The following RYR3 variants were observed in gnomAD, a reference collection of about 807,000 sequenced individuals.
The protein encoded by RYR3 is brain ryanodine receptor-calcium release channel.
In RYR3, 207 loss-of-function variants were observed where a neutral mutation model predicts 584.3. That is an observed-to-expected ratio of 0.35 (90% CI 0.32 to 0.40). The LOEUF is 0.40. Among genes scored for constraint, RYR3 ranks in the 10% least tolerant of loss-of-function variants. The pLI is 1.00. For synonymous variants in RYR3, 2,416 were observed against 2,248.5 expected (o/e 1.07, Z -2.11); for missense variants, 5,616 against 6,089.2 (o/e 0.92, Z 2.59).
chr15:33,421,341 C>A (rs1426667938), intron 1 of RYR3, among the ~76,000 whole-genome samples: 3 of 152,130 alleles, frequency 2.0e-5, no homozygotes, highest in African/African-American at 7.2e-5. Context: ...TGAAAGGAGA[C>A]AAGACTAAAG....
At chr15:33,557,408 C>T (rs932003663) in intron 10 of RYR3, among the ~76,000 whole-genome samples, 9 of 152,236 alleles carry the variant, frequency 5.9e-5, no homozygotes, top group African/African-American at 9.6e-5. Context: ...TTTTTTGAGA[C>T]GGAGTCTCGC....
At chr15:33,335,648 C>T (rs1166027909) in intron 1 of RYR3, among the ~76,000 whole-genome samples, 1 of 151,564 alleles carries the variant, frequency 6.6e-6, no homozygotes, top group East Asian at 1.9e-4. Flanking sequence ...ACACATGTTA[C>T]ATATGTACCA....
intron 99 of RYR3, 174 bp downstream of exon 99, chr15:33,858,088 C>T: frequency 3.5e-6 from 3 of 860,698 alleles, no homozygotes; most frequent in Non-Finnish European, 5.2e-6. Flanking sequence ...GGAGAGTGTC[C>T]TGGGAAGACA....
chr15:33,489,256 A>T lies in RYR3; in HGVS notation c.172-14375A>T, dbSNP rs1037094806. ...AGGGGTACACTTGAAGGTTTGTTACATAGGTAAACTTGTGTCACAAGGGTT... is the reference window on the plus strand; with the variant it reads ...AGGGGTACACTTGAAGGTTTGTTACTTAGGTAAACTTGTGTCACAAGGGTT... On this transcript the variant is annotated intron_variant, in intron 2 of 103. Transcript: ENST00000634891. 3.3e-5 allele frequency among the ~76,000 whole-genome samples: 5 copies of T among 152,174 alleles called. No individual in the cohort carries two copies. The East Asian group carries it at 7.7e-4, about 23-fold the overall frequency.
At chr15:33,461,234 G>A (rs1056207844) in intron 1 of RYR3, among the ~76,000 whole-genome samples, 27 of 152,000 alleles carry the variant, frequency 1.8e-4, no homozygotes, top group Non-Finnish European at 3.1e-4. Flanking sequence ...GTGAGCCACC[G>A]CGCCCGGCCT....
intron 12 of RYR3, among the ~76,000 whole-genome samples, chr15:33,573,446 G>T (rs1235993983): frequency 6.6e-6 from 1 of 152,194 alleles, no homozygotes; most frequent in Non-Finnish European, 1.5e-5. Flanking sequence ...TGAAGACGAA[G>T]AGGTTAAAAT....
intron 22 of RYR3, 91 bp from the exon 23 acceptor site, chr15:33,631,119 C>G (rs1158262736): frequency 7.6e-6 from 6 of 784,722 alleles, no homozygotes; most frequent in African/African-American, 3.5e-5. Flanking sequence ...ATGAATGGCT[C>G]TTGTCTGTTT....
At chr15:33,636,849 A>G (rs1287393104) in intron 27 of RYR3, among the ~76,000 whole-genome samples, 1 of 152,228 alleles carries the variant, frequency 6.6e-6, no homozygotes, top group Non-Finnish European at 1.5e-5. Flanking sequence ...CCAGTATTAC[A>G]AAGAAAACAC....
chr15:33,347,056 A>G (rs1198582118), intron 1 of RYR3, among the ~76,000 whole-genome samples: 1 of 152,112 alleles, frequency 6.6e-6, no homozygotes, highest in Non-Finnish European at 1.5e-5. Context: ...GTAAAATGCC[A>G]TTTTCATCAT....
chr15:33,723,208 C>T (rs1308768681), intron 44 of RYR3, among the ~76,000 whole-genome samples: 1 of 152,224 alleles, frequency 6.6e-6, no homozygotes, highest in Admixed American at 6.5e-5. Context: ...AGGTTGTACT[C>T]CTTGTCTAAC....
intron 85 of RYR3, chr15:33,830,750 C>A: frequency 2.4e-6 from 1 of 408,374 alleles, no homozygotes; most frequent in Non-Finnish European, 4.3e-6. Flanking sequence ...GAAGGCAGTC[C>A]TCACTCCTAT....
intron 34 of RYR3, among the ~76,000 whole-genome samples, chr15:33,661,318 T>A (rs2063148635): frequency 6.6e-6 from 1 of 152,116 alleles, no homozygotes; most frequent in Admixed American, 6.5e-5. Context: ...GAGAGCCAAC[T>A]GGATAATGTT....
chr15:33,366,117 C>A (rs1355815903), intron 1 of RYR3, among the ~76,000 whole-genome samples: 2 of 152,158 alleles, frequency 1.3e-5, no homozygotes, highest in Non-Finnish European at 2.9e-5. Context: ...AATGCAAATT[C>A]TGAGTGAGCA....
intron 1 of RYR3, among the ~76,000 whole-genome samples, chr15:33,439,910 T>C (rs2046075229): frequency 6.6e-6 from 1 of 152,248 alleles, no homozygotes; most frequent in Non-Finnish European, 1.5e-5. Flanking sequence ...CCTTTTTATG[T>C]GTTGTAGGTA....
In RYR3 at chr15:33,634,692, T is replaced by A; in HGVS notation, c.3134T>A (p.Val1045Asp). ...CTGCGGGAAGCTGTGCGCACTTTTG[T>A]TGGTTACGGGTATAACATTGAGCCA... Reference protein sequence around the residue: ...DSLREAVRTFVGYGYNIEPSD... With the variant: ...DSLREAVRTFDGYGYNIEPSD... The change falls in exon 25 of 104, where the codon GTT becomes GAT. Residue 1045 changes from valine to aspartate, a missense_variant. This residue lies in a region of RYR3 where 1,284 missense variants were observed against 1,344.6 expected (regional missense o/e 0.95). Transcript: ENST00000634891. 6.2e-7 allele frequency: 1 copy of A among 1,613,990 alleles called. No homozygotes were observed. Among genetic ancestry groups the A allele is most frequent in the South Asian group, 1.1e-5 (1 of 91,078 alleles).
At chr15:33,814,900 C>CG (rs1322022771) in intron 74 of RYR3, among the ~76,000 whole-genome samples, 21 of 91,794 alleles carry the variant, frequency 2.3e-4, no homozygotes, top group African/African-American at 8.3e-4. Context: ...GACTCTGTCT[C>CG]AAAAAAAAAA....
chr15:33,377,714 T>A (rs1435182391), intron 1 of RYR3, among the ~76,000 whole-genome samples: 1 of 152,232 alleles, frequency 6.6e-6, no homozygotes, highest in Non-Finnish European at 1.5e-5. Flanking sequence ...ATTCCTCACC[T>A]GGAAAATGCA....
intron 1 of RYR3, among the ~76,000 whole-genome samples, chr15:33,345,924 G>T (rs112730503): frequency 6.6e-5 from 10 of 152,092 alleles, no homozygotes; most frequent in African/African-American, 2.4e-4. Flanking sequence ...ATTAACATGC[G>T]CCATTTCTTA....
At chr15:33,428,194 C>A (rs1368764650) in intron 1 of RYR3, among the ~76,000 whole-genome samples, 2 of 152,168 alleles carry the variant, frequency 1.3e-5, no homozygotes, top group Admixed American at 1.3e-4. Flanking sequence ...ATAGATGGCG[C>A]ACATTTCCTT....
Sources: allele counts gnomAD v4.1 joint callset (sites outside exome capture counted in the v4.1 genomes callset), GRCh38; gene constraint gnomAD v4.1.1; regional missense constraint gnomAD v4.1.1; transcripts MANE v1.5; gene names NCBI Gene and HGNC (gene_info 2026-07-23, HGNC 2026-07-21).